ATP11A: variants seen among roughly 807,000 people sequenced by gnomAD.
ATP11A encodes the protein phospholipid-transporting ATPase IH.
In ATP11A, 81 loss-of-function variants were observed where a neutral mutation model predicts 154.4. The observed-to-expected ratio is 0.52, with a 90% confidence interval of 0.44 to 0.63. The LOEUF (loss-of-function observed/expected upper bound fraction) is 0.63, where lower values mean the gene tolerates loss of function less well. Ranked by LOEUF, ATP11A falls within the 30% of genes least tolerant of loss-of-function variation. ATP11A has a pLI of 0.00. For synonymous variants in ATP11A, 623 were observed against 585.9 expected (o/e 1.06, Z -0.91); for missense variants, 1,316 against 1,474.3 (o/e 0.89, Z 1.76).
At chr13:112,856,960 C>G (rs2079946270) in intron 20 of ATP11A, among the ~76,000 whole-genome samples, 1 of 152,212 alleles carries the variant, frequency 6.6e-6, no homozygotes, top group Admixed American at 6.5e-5. Context: ...ATTCACAGAC[C>G]TTCCATGTGA....
intron 2 of ATP11A, among the ~76,000 whole-genome samples, chr13:112,803,978 A>C (rs534834039): frequency 8.9e-4 from 27 of 30,388 alleles, no homozygotes; most frequent in Admixed American, 2.1e-3. Flanking sequence ...TCCTTCCCTC[A>C]TTCCCCTCAT....
In ATP11A at chr13:112,778,327, G is replaced by A. The variant is rs147937406; in HGVS notation, c.40-6808G>A. Among the ~76,000 whole-genome samples the A allele has an allele frequency of 2.9e-3, 435 of 152,270 alleles. 3 individuals are homozygous for A. Among genetic ancestry groups the A allele is most frequent in the African/African-American group, 9.7e-3 (405 of 41,564 alleles). Reference sequence around the variant, plus strand: ...CCAGGTCAGCGGCTTTGAAAGCCCCGGCACACTCCAGCTCCCATGCAGTTA... The same window carrying A: ...CCAGGTCAGCGGCTTTGAAAGCCCCAGCACACTCCAGCTCCCATGCAGTTA... On this transcript the variant is annotated intron_variant, in intron 1 of 29. Transcript: ENST00000375645.
chr13:112,879,064 T>C (rs1248587992), intron 29 of ATP11A, among the ~76,000 whole-genome samples: 1 of 152,262 alleles, frequency 6.6e-6, no homozygotes, highest in East Asian at 1.9e-4. Context: ...AGAGCCGAGA[T>C]TGCAGGGGCC....
chr13:112,856,713 A>G (rs1358096810), intron 20 of ATP11A: 1 of 152,340 alleles, frequency 6.6e-6, no homozygotes, highest in Non-Finnish European at 1.5e-5. Flanking sequence ...GGAAGCCTAG[A>G]AAAGTTCTGA....
intron 1 of ATP11A, among the ~76,000 whole-genome samples, chr13:112,751,761 ACT>A (rs956946133): frequency 1.4e-5 from 2 of 143,104 alleles, no homozygotes; most frequent in African/African-American, 5.0e-5. Flanking sequence ...ACAGGGTCTT[ACT>A]CTGTCACCCA....
intron 24 of ATP11A, among the ~76,000 whole-genome samples, chr13:112,861,060 A>C (rs1485724360): frequency 6.6e-6 from 1 of 152,206 alleles, no homozygotes; most frequent in African/African-American, 2.4e-5. Flanking sequence ...GGCGGAAGGC[A>C]TGAGGAGCAA....
intron 25 of ATP11A, 146 bp downstream of exon 25, chr13:112,862,721 C>A (rs1344848181): frequency 7.3e-5 from 73 of 995,748 alleles, no homozygotes; most frequent in Non-Finnish European, 1.0e-4. Flanking sequence ...TAATTCAGTG[C>A]AGGCCACGCA....
At position 112,878,593 on chromosome 13, in the gene ATP11A, G is replaced by A; in HGVS notation, c.*9+290G>A. Reference sequence around the variant, plus strand: ...CAGACACAGCTGACAGCGGAGAGCTGGCCACATGACCCCTCACACAGGTGT... The same window carrying A: ...CAGACACAGCTGACAGCGGAGAGCTAGCCACATGACCCCTCACACAGGTGT... On this transcript the variant is annotated intron_variant, in intron 29 of 29. Transcript: ENST00000375645. 2 of 503,510 alleles carry A rather than the reference G, an allele frequency of 4.0e-6. 1 individual carries two copies. Among genetic ancestry groups the A allele is most frequent in the South Asian group, 4.9e-5 (2 of 41,132 alleles). The allele number at this position is 503,510 out of a possible 1,614,324, so 31.2% of individuals were successfully genotyped here.
At chr13:112,762,240 T>A (rs2076980328) in intron 1 of ATP11A, among the ~76,000 whole-genome samples, 2 of 152,126 alleles carry the variant, frequency 1.3e-5, no homozygotes, top group African/African-American at 4.8e-5. Flanking sequence ...CCTGCTGGCC[T>A]CCTATCACAG....
At chr13:112,870,710 G>GC (rs1347410622) in intron 25 of ATP11A, among the ~76,000 whole-genome samples, 3 of 152,186 alleles carry the variant, frequency 2.0e-5, no homozygotes, top group Non-Finnish European at 2.9e-5. Flanking sequence ...AAAATTCCCT[G>GC]CGAGGTGCAG....
Position 112,697,206 on chromosome 13 carries a change from C to G in ATP11A, c.39+6751C>G, listed in dbSNP as rs972981011. Among the ~76,000 whole-genome samples, 5 of 152,148 alleles carry G rather than the reference C, an allele frequency of 3.3e-5. No individual in the cohort carries two copies. Among genetic ancestry groups the G allele is most frequent in the African/African-American group, 4.8e-5 (2 of 41,426 alleles). The stretch of plus-strand genomic sequence containing the variant: ...CCCCTCGGTGGGCTCCGGTGCTGGC[C>G]TCTGCCTTCCCCAGGGCCACGGTGG... On this transcript the variant is annotated intron_variant, in intron 1 of 29. Transcript: ENST00000375645. The surrounding 1 kb of genome is among the most constrained non-coding windows in gnomAD (Gnocchi z 4.0).
chr13:112,814,667 A>G (rs1222338585), intron 5 of ATP11A, among the ~76,000 whole-genome samples: 1 of 152,078 alleles, frequency 6.6e-6, no homozygotes, highest in African/African-American at 2.4e-5. Flanking sequence ...AGTTAAACAC[A>G]TTTGCATGGG....
intron 1 of ATP11A, among the ~76,000 whole-genome samples, chr13:112,714,638 A>G (rs1888217877): frequency 2.0e-5 from 3 of 152,172 alleles, no homozygotes; most frequent in Non-Finnish European, 2.9e-5. Context: ...TGAGACTGTT[A>G]TGGAGACGCA....
chr13:112,766,576 T>C (rs1408619085), intron 1 of ATP11A, among the ~76,000 whole-genome samples: 1 of 151,972 alleles, frequency 6.6e-6, no homozygotes, highest in East Asian at 2.0e-4. Flanking sequence ...GTCAGGGTCC[T>C]TGCAGGACCA....
chr13:112,856,499 G>T, intron 20 of ATP11A: 1 of 154,592 alleles, frequency 6.5e-6, no homozygotes, highest in Non-Finnish European at 1.4e-5. Flanking sequence ...ACAAATGAGG[G>T]CACCAGCTTT....
At chr13:112,704,945 A>T (rs1391556539) in intron 1 of ATP11A, among the ~76,000 whole-genome samples, 2 of 152,092 alleles carry the variant, frequency 1.3e-5, no homozygotes, top group African/African-American at 4.8e-5. Flanking sequence ...GGTGTGGGGG[A>T]TGGGAGGTTT....
At chr13:112,773,211 C>A (rs2077267161) in intron 1 of ATP11A, among the ~76,000 whole-genome samples, 1 of 152,026 alleles carries the variant, frequency 6.6e-6, no homozygotes, top group African/African-American at 2.4e-5. Flanking sequence ...TCCTGCCCTG[C>A]CCTGCCCTGC....
intron 2 of ATP11A, among the ~76,000 whole-genome samples, chr13:112,797,479 A>T (rs777172720): frequency 1.2e-4 from 19 of 152,158 alleles, no homozygotes; most frequent in Non-Finnish European, 2.5e-4. Context: ...GACATATCAC[A>T]TTTAAATTGC....
In ATP11A at chr13:112,885,568, C is replaced by CAT. The variant is rs1201044201; in HGVS notation, c.*3703_*3704dup. Reference sequence around the variant, plus strand: ...TGTACACCACAAACGAGCTCCCAGACATGTAAACACACGTCTCCCACACGT... The same window carrying CAT: ...TGTACACCACAAACGAGCTCCCAGACATATGTAAACACACGTCTCCCACACGT... On this transcript the variant is annotated 3_prime_UTR_variant, in exon 30 of 30. Coordinates refer to ENST00000375645, the MANE Select transcript of ATP11A (RefSeq NM_015205.3). 1 of 148,548 alleles carries CAT rather than the reference C, an allele frequency of 6.7e-6. No individual in the cohort carries two copies. The highest frequency in any genetic ancestry group is 2.5e-5 in the African/African-American group (1 of 40,108). The allele number at this position is 148,548 out of a possible 1,614,324, so 9.2% of individuals were successfully genotyped here.
Sources: allele counts gnomAD v4.1 joint callset (sites outside exome capture counted in the v4.1 genomes callset), GRCh38; gene constraint gnomAD v4.1.1; non-coding constraint Gnocchi (gnomAD v3.1); transcripts MANE v1.5; gene names NCBI Gene and HGNC (gene_info 2026-07-23, HGNC 2026-07-21).